Variants in FANCI observed in about 807,000 individuals in gnomAD.
The protein encoded by FANCI is FA complementation group I.
Under a neutral mutation model 176.1 loss-of-function variants are expected in FANCI, and 156 were observed. That is an observed-to-expected ratio of 0.89 (90% CI 0.78 to 1.01). FANCI has a LOEUF of 1.01. FANCI is among the 50% of genes least tolerant of loss of function. FANCI has a pLI of 0.00. For missense variants in FANCI, 1,678 were observed against 1,534.1 expected, an observed-to-expected ratio of 1.09 and a Z score of -1.57; for synonymous variants, 613 against 541.7, an observed-to-expected ratio of 1.13 and a Z score of -1.83.
At chr15:89,297,326 G>C (rs555944850) in intron 24 of FANCI, among the ~76,000 whole-genome samples, 1 of 151,996 alleles carries the variant, frequency 6.6e-6, no homozygotes, top group African/African-American at 2.4e-5. Context: ...GATTGCGGCC[G>C]GGCAGAGACG....
intron 2 of FANCI, 104 bp downstream of exon 2, chr15:89,247,835 C>T (rs2052056966): frequency 1.2e-6 from 1 of 859,454 alleles, no homozygotes; most frequent in South Asian, 1.4e-5. Context: ...TCATCTACTC[C>T]CCATTCACTG....
At chr15:89,296,908 C>T (rs1480041815) in intron 24 of FANCI, among the ~76,000 whole-genome samples, 20 of 148,192 alleles carry the variant, frequency 1.3e-4, no homozygotes, top group African/African-American at 3.0e-4. Flanking sequence ...GGCGGCTGGC[C>T]GGGCGGGGGG....
chr15:89,307,761 A>G, intron 34 of FANCI, 89 bp downstream of exon 34: 4 of 1,608,314 alleles, frequency 2.5e-6, no homozygotes, highest in Non-Finnish European at 3.4e-6. Flanking sequence ...AACTGAGCAT[A>G]TATAAACTTT....
At chr15:89,314,448 G>T (rs2055117465) in intron 35 of FANCI, among the ~76,000 whole-genome samples, 164 bp from the exon 36 acceptor site, 1 of 150,810 alleles carries the variant, frequency 6.6e-6, no homozygotes, top group Non-Finnish European at 1.5e-5. Context: ...GGTCCTTCCA[G>T]ATTGAACTGC....
intron 2 of FANCI, among the ~76,000 whole-genome samples, chr15:89,254,038 C>G (rs182506177): frequency 1.2e-4 from 18 of 152,160 alleles, no homozygotes; most frequent in Admixed American, 1.0e-3. Context: ...TTTCCTGGCT[C>G]TCTCCAATGA....
At chr15:89,292,155 G>T (rs1440187255) in intron 20 of FANCI, among the ~76,000 whole-genome samples, 1 of 152,128 alleles carries the variant, frequency 6.6e-6, no homozygotes, top group Non-Finnish European at 1.5e-5. Context: ...TTCTTATCTA[G>T]CCTCAGAAGG....
chr15:89,264,282 T>C (rs1249349008), intron 8 of FANCI, among the ~76,000 whole-genome samples: 2 of 152,056 alleles, frequency 1.3e-5, no homozygotes, highest in African/African-American at 4.8e-5. Flanking sequence ...TTTGCGGAGG[T>C]AAAAGGGATA....
chr15:89,264,664 G>A, intron 9 of FANCI, 57 bp downstream of exon 9: 1 of 1,489,294 alleles, frequency 6.7e-7, no homozygotes, highest in South Asian at 1.2e-5. Flanking sequence ...TTCTCATTGT[G>A]TATTTTAGCT....
intron 28 of FANCI, among the ~76,000 whole-genome samples, chr15:89,304,185 C>G (rs1388856425): frequency 4.6e-5 from 7 of 152,178 alleles, no homozygotes; most frequent in Non-Finnish European, 5.9e-5. Context: ...TATGACTCAA[C>G]AATTCGAATC....
chr15:89,271,129 C>T (rs535684277), intron 10 of FANCI, among the ~76,000 whole-genome samples: 2 of 152,038 alleles, frequency 1.3e-5, no homozygotes, highest in East Asian at 3.9e-4. Context: ...TTTTCTAGGC[C>T]TTGAAAATGT....
Position 89,315,869 on chromosome 15 carries a change from C to G in FANCI, c.3924+480C>G, listed in dbSNP as rs1455566621. ...CAGTACCGCATCCCCATCCCTGCACCACCTTTGAAACAGAACCCAATGTTT... is the reference window on the plus strand; with the variant it reads ...CAGTACCGCATCCCCATCCCTGCACGACCTTTGAAACAGAACCCAATGTTT... On this transcript the variant is annotated intron_variant, in intron 37 of 37. Coordinates refer to ENST00000310775, the MANE Select transcript of FANCI (RefSeq NM_001113378.2). Among the ~76,000 whole-genome samples the G allele has an allele frequency of 4.6e-5, 7 of 152,188 alleles. No individual in the cohort carries two copies. In the South Asian group the frequency reaches 1.5e-3, roughly 32 times the overall value.
chr15:89,261,507 AAAAGACTT>A, intron 4 of FANCI, 70 bp from the exon 5 acceptor site: 1 of 1,574,064 alleles, frequency 6.4e-7, no homozygotes, highest in Non-Finnish European at 8.7e-7. Flanking sequence ...TTATTTCAGC[AAAAGACTT>A]TATTTCTTAG....
chr15:89,299,169 CAA>C (rs34417823), intron 24 of FANCI, among the ~76,000 whole-genome samples: 32 of 110,164 alleles, frequency 2.9e-4, no homozygotes, highest in Admixed American at 2.8e-4. Flanking sequence ...GACTCTGTCT[CAA>C]AAAAAAAAAA....
chr15:89,300,042 C>T (rs552818879), intron 25 of FANCI, 76 bp downstream of exon 25: 1 of 1,530,134 alleles, frequency 6.5e-7, no homozygotes, highest in Non-Finnish European at 9.0e-7. Flanking sequence ...CATTTGTTAA[C>T]CTACCAGAAG....
Position 89,307,650 on chromosome 15 carries a change from ATTC to A in FANCI, c.3632_3634del (p.Ser1211del). On this transcript the variant is annotated inframe_deletion, in exon 34 of 38. Transcript: ENST00000310775. Reference sequence around the variant, plus strand: ...GGTTCTCATCTGACCCCCCTGTGTTATTCTTTCATTTCTTACGTACAGGTAAGA... The same window carrying A: ...GGTTCTCATCTGACCCCCCTGTGTTATTTCATTTCTTACGTACAGGTAAGA... The A allele has an allele frequency of 4.3e-6, 7 of 1,614,130 alleles. No homozygotes were observed. The highest frequency in any genetic ancestry group is 5.9e-6 in the Non-Finnish European group (7 of 1,180,018).
At chr15:89,316,265 A>T in intron 37 of FANCI, 132 bp from the exon 38 acceptor site, 1 of 891,366 alleles carries the variant, frequency 1.1e-6, no homozygotes, top group Non-Finnish European at 1.8e-6. Context: ...ACCTCCTGTG[A>T]GTGGGAAAGT....
intron 10 of FANCI, among the ~76,000 whole-genome samples, chr15:89,269,107 C>T (rs35289216): frequency 0.3 from 45,754 of 152,052 alleles, 8,356 homozygotes; most frequent in Non-Finnish European, 0.39. Context: ...CACTACATAG[C>T]GTGAAGAACA....
chr15:89,270,875 A>G (rs62020353), intron 10 of FANCI, among the ~76,000 whole-genome samples: 8,614 of 152,218 alleles, frequency 0.057, 292 homozygotes, highest in Middle Eastern at 0.088. Context: ...GATGCTAGCC[A>G]TGTCTCTAAA....
At chr15:89,287,374 G>T (rs1335280819) in intron 18 of FANCI, among the ~76,000 whole-genome samples, 1 of 151,850 alleles carries the variant, frequency 6.6e-6, no homozygotes, top group African/African-American at 2.4e-5. Flanking sequence ...ATCTCTTTCA[G>T]GCTTTATAGA....
Sources: gnomAD v4.1 joint callset for allele counts (sites outside exome capture counted in the v4.1 genomes callset) on GRCh38, gnomAD v4.1.1 for gene constraint, MANE v1.5 for transcripts, NCBI Gene and HGNC (gene_info 2026-07-23, HGNC 2026-07-21) for gene names.